Variants in IQCM observed in about 807,000 individuals in gnomAD.
IQCM encodes the protein IQ domain-containing protein M.
IQCM carries 45 observed loss-of-function variants against 57.6 expected under a neutral mutation model. That is an observed-to-expected ratio of 0.78 (90% CI 0.62 to 1.00). IQCM has a LOEUF of 1.00. Ranked by LOEUF, IQCM falls within the 50% of genes least tolerant of loss-of-function variation. The probability of loss-of-function intolerance (pLI) is 0.00; values close to 1 mark genes in which losing one functional copy is unlikely to be tolerated. For missense variants in IQCM, 468 were observed against 511.6 expected (o/e 0.91, Z 0.82); for synonymous variants, 148 against 158.9 (o/e 0.93, Z 0.51).
intron 2 of IQCM, among the ~76,000 whole-genome samples, chr4:149,777,378 T>C (rs1271507912): frequency 2.0e-5 from 3 of 152,182 alleles, no homozygotes; most frequent in African/African-American, 7.2e-5. Context: ...CACCGTCTGG[T>C]TCATAACTGG....
intron 5 of IQCM, among the ~76,000 whole-genome samples, chr4:149,687,988 A>G (rs780101059): frequency 5.9e-5 from 9 of 152,012 alleles, no homozygotes; most frequent in Non-Finnish European, 1.2e-4. Context: ...CCCACAGCCG[A>G]CATAATACTG....
intron 2 of IQCM, among the ~76,000 whole-genome samples, chr4:149,776,902 T>C (rs538871692): frequency 1.7e-4 from 26 of 152,234 alleles, no homozygotes; most frequent in African/African-American, 6.0e-4. Flanking sequence ...AGATGCTAGA[T>C]TTAAGATATT....
chr4:149,404,801 T>C (rs1732866010), intron 13 of IQCM, among the ~76,000 whole-genome samples: 4 of 152,090 alleles, frequency 2.6e-5, no homozygotes, highest in Admixed American at 2.6e-4. Flanking sequence ...AGGCTTTTTA[T>C]AGCAAATGTT....
intron 12 of IQCM, among the ~76,000 whole-genome samples, chr4:149,536,811 G>T (rs543088402): frequency 8.4e-4 from 128 of 151,954 alleles, no homozygotes; most frequent in Middle Eastern, 3.4e-3. Context: ...TTCACTTTTT[G>T]ATTTATTCTT....
At chr4:149,525,972 G>A (rs1354511686) in intron 12 of IQCM, among the ~76,000 whole-genome samples, 5 of 151,734 alleles carry the variant, frequency 3.3e-5, no homozygotes, top group Non-Finnish European at 5.9e-5. Flanking sequence ...TATATATGAA[G>A]AGCAACTATA....
intron 13 of IQCM, among the ~76,000 whole-genome samples, chr4:149,383,967 A>G (rs1272148646): frequency 6.6e-6 from 1 of 152,104 alleles, no homozygotes; most frequent in Admixed American, 6.6e-5. Flanking sequence ...AAAAAGAAGA[A>G]TATTCCAGAG....
intron 12 of IQCM, among the ~76,000 whole-genome samples, chr4:149,442,237 T>G (rs545304405): frequency 5.3e-5 from 8 of 152,218 alleles, no homozygotes; most frequent in African/African-American, 1.9e-4. Flanking sequence ...TGTCCAGCCA[T>G]ATCTCAGTTG....
At chr4:149,354,063 T>C (rs539670997) in intron 13 of IQCM, among the ~76,000 whole-genome samples, 2 of 152,230 alleles carry the variant, frequency 1.3e-5, no homozygotes, top group South Asian at 4.2e-4. Context: ...ATAAAACTTA[T>C]TTTTTAAAAC....
chr4:149,518,551 C>T (rs1380085334), intron 12 of IQCM, among the ~76,000 whole-genome samples: 1 of 151,984 alleles, frequency 6.6e-6, no homozygotes, highest in Non-Finnish European at 1.5e-5. Flanking sequence ...GTCTCATTAG[C>T]ATATTACAAG....
rs73857719 is a variant in IQCM, at chr4:149,733,669, C to T, written c.121-161G>A. ...AAGACATTTACTCTAATGTAAATTA[C>T]AAATGACAGTAACCAGCTAAATCAG... On this transcript the variant is annotated intron_variant, in intron 4 of 13. Coordinates refer to ENST00000636793, the MANE Select transcript of IQCM (RefSeq NM_001363507.2). 9.0e-3 allele frequency among the ~76,000 whole-genome samples: 1,367 copies of T among 152,050 alleles called. 10 individuals carry two copies. The highest frequency in any genetic ancestry group is 0.031 in the African/African-American group (1,266 of 41,420).
intron 7 of IQCM, among the ~76,000 whole-genome samples, chr4:149,663,015 T>G (rs141169699): frequency 0.014 from 2,170 of 152,100 alleles, 37 homozygotes; most frequent in Non-Finnish European, 0.021. Context: ...GATTGGTGGT[T>G]TTTTTGTGAT....
At chr4:149,659,236 G>C (rs1050163233) in intron 7 of IQCM, among the ~76,000 whole-genome samples, 2 of 151,946 alleles carry the variant, frequency 1.3e-5, no homozygotes, top group African/African-American at 2.4e-5. Context: ...ATTCACAATT[G>C]CTTCAAAGAG....
At chr4:149,525,493 A>G (rs971996649) in intron 12 of IQCM, among the ~76,000 whole-genome samples, 2 of 151,894 alleles carry the variant, frequency 1.3e-5, no homozygotes, top group Non-Finnish European at 3.0e-5. Context: ...ATTTAAGCAT[A>G]TATGAGAATT....
intron 5 of IQCM, among the ~76,000 whole-genome samples, chr4:149,690,529 T>C (rs1213521490): frequency 1.3e-5 from 2 of 152,144 alleles, no homozygotes; most frequent in Admixed American, 1.3e-4. Context: ...CTAAAGAACT[T>C]AACTTGTAGC....
intron 11 of IQCM, among the ~76,000 whole-genome samples, chr4:149,549,231 G>T (rs1028249512): frequency 2.0e-5 from 3 of 152,154 alleles, no homozygotes; most frequent in African/African-American, 7.2e-5. Flanking sequence ...CAAGAAAATT[G>T]ATGGCCGGGC....
chr4:149,811,142 C>T (rs1338589226), intron 2 of IQCM, among the ~76,000 whole-genome samples: 2 of 152,126 alleles, frequency 1.3e-5, no homozygotes, highest in Admixed American at 1.3e-4. Context: ...AAAGAGGCAC[C>T]TGCTTGAACT....
At chr4:149,772,941 T>C (rs1322583443) in intron 2 of IQCM, among the ~76,000 whole-genome samples, 2 of 152,208 alleles carry the variant, frequency 1.3e-5, no homozygotes, top group Admixed American at 1.3e-4. Context: ...TGAAAGCCTG[T>C]TGTATAAAGA....
intron 12 of IQCM, among the ~76,000 whole-genome samples, chr4:149,436,036 T>C (rs1383349008): frequency 6.6e-6 from 1 of 152,056 alleles, no homozygotes; most frequent in Non-Finnish European, 1.5e-5. Context: ...AAGTGTTCAG[T>C]GTTTATAAAG....
chr4:149,460,412 T>A (rs1267139631), intron 12 of IQCM, among the ~76,000 whole-genome samples: 2 of 152,208 alleles, frequency 1.3e-5, no homozygotes, highest in African/African-American at 4.8e-5. Flanking sequence ...AATTTCATAA[T>A]CTAATTTTAA....
Sources: gnomAD v4.1 joint callset for allele counts (sites outside exome capture counted in the v4.1 genomes callset) on GRCh38, gnomAD v4.1.1 for gene constraint, MANE v1.5 for transcripts, NCBI Gene and HGNC (gene_info 2026-07-23, HGNC 2026-07-21) for gene names.